The following PLEKHA6 variants were observed in gnomAD, a reference collection of about 807,000 sequenced individuals.
PLEKHA6 encodes the protein pleckstrin homology domain containing A6.
Under a neutral mutation model 116.7 loss-of-function variants are expected in PLEKHA6, and 60 were observed. The observed-to-expected ratio is 0.51, with a 90% CI of 0.42 to 0.64. The LOEUF is 0.64. PLEKHA6 is among the 30% of genes least tolerant of loss of function. The pLI is 0.00. For missense variants in PLEKHA6, 1,338 were observed against 1,422.7 expected, an observed-to-expected ratio of 0.94 and a Z score of 0.96; for synonymous variants, 489 against 556.1, an observed-to-expected ratio of 0.88 and a Z score of 1.70.
chr1:204,306,884 A>G lies in PLEKHA6; in HGVS notation c.-94-32075T>C, dbSNP rs150809327. 8.8e-3 allele frequency among the ~76,000 whole-genome samples: 1,342 copies of G among 152,256 alleles called. 19 individuals carry two copies. Among genetic ancestry groups the G allele is most frequent in the African/African-American group, 0.03 (1,227 of 41,528 alleles). On this transcript the variant is annotated intron_variant, in intron 1 of 22. Coordinates refer to ENST00000272203, the MANE Select transcript of PLEKHA6 (RefSeq NM_014935.5). ...TAAGCACCTACAAAATCCAGGGCTT[A>G]CCCTAGGGGCATCAGTCCTCTGGAT... is the stretch of plus-strand genomic sequence containing the variant.
At chr1:204,351,746 A>G (rs1055350083) in intron 1 of PLEKHA6, among the ~76,000 whole-genome samples, 1 of 152,180 alleles carries the variant, frequency 6.6e-6, no homozygotes, top group Non-Finnish European at 1.5e-5. Context: ...CAGCAGAGAC[A>G]GGGTGAGGCT....
At chr1:204,225,898 G>T (rs1008438203) in intron 21 of PLEKHA6, among the ~76,000 whole-genome samples, 2 of 152,124 alleles carry the variant, frequency 1.3e-5, no homozygotes, top group Admixed American at 6.5e-5. Context: ...CGCGCCACAC[G>T]TACAAACTCA....
chr1:204,248,847 G>A lies in PLEKHA6; in HGVS notation c.1798C>T (p.Arg600Cys), dbSNP rs779750332. Reference protein sequence around the residue: ...DSLQNQLINIRVELSQATTAL... With the variant: ...DSLQNQLINICVELSQATTAL... ...GTGGTCGCCTGAGACAGCTCCACGCGGATGTTGATGAGCTGGTTCTGCAGT... is the reference window on the plus strand; with the variant it reads ...GTGGTCGCCTGAGACAGCTCCACGCAGATGTTGATGAGCTGGTTCTGCAGT... Residue 600 changes from arginine (R) to cysteine (C), a missense_variant, in exon 12 of 23, where the codon CGC becomes TGC. Transcript: ENST00000272203. The A allele has an allele frequency of 1.2e-5, 19 of 1,613,896 alleles. No homozygotes were observed. The East Asian group carries it at 1.3e-4, about 11-fold the overall frequency.
intron 1 of PLEKHA6, among the ~76,000 whole-genome samples, chr1:204,288,297 G>T (rs968587790): frequency 6.6e-6 from 1 of 152,184 alleles, no homozygotes; most frequent in African/African-American, 2.4e-5. Context: ...CTGATGGACA[G>T]CCCTGTCCCT....
intron 18 of PLEKHA6, among the ~76,000 whole-genome samples, chr1:204,230,167 T>C (rs1180200209): frequency 1.3e-5 from 2 of 152,280 alleles, no homozygotes; most frequent in Non-Finnish European, 2.9e-5. Flanking sequence ...GTATAATTCA[T>C]TTCAACAAAC....
At chr1:204,311,459 C>A (rs1388867535) in intron 1 of PLEKHA6, 3 of 235,864 alleles carry the variant, frequency 1.3e-5, no homozygotes, top group Non-Finnish European at 2.1e-5. Flanking sequence ...CCATTGTACT[C>A]CAACCTGGGC....
intron 1 of PLEKHA6, among the ~76,000 whole-genome samples, chr1:204,332,183 C>A (rs972175730): frequency 5.9e-5 from 9 of 152,278 alleles, no homozygotes; most frequent in South Asian, 4.1e-4. Context: ...AGGGTTAACC[C>A]AGAATTCAGC....
At chr1:204,354,164 G>A (rs1194522122) in intron 1 of PLEKHA6, among the ~76,000 whole-genome samples, 1 of 152,196 alleles carries the variant, frequency 6.6e-6, no homozygotes, top group African/African-American at 2.4e-5. Flanking sequence ...CAGAGCTAAG[G>A]AGGGACCTCA....
In PLEKHA6 at chr1:204,261,888, C is replaced by T. The variant is rs1055244286; in HGVS notation, c.382-440G>A. 4 of 227,128 alleles carry T rather than the reference C, an allele frequency of 1.8e-5. No individual in the cohort carries two copies. The highest frequency in any genetic ancestry group is 6.8e-5 in the African/African-American group (3 of 44,258). 14.1% of individuals were successfully genotyped at this position (227,128 alleles called of 1,614,324 possible). On this transcript the variant is annotated intron_variant, in intron 6 of 22. Transcript: ENST00000272203. The surrounding 1 kb of genome is among the most constrained non-coding windows in gnomAD (Gnocchi z 4.0). ...TGAGAAGCTAGCACTGTCTCTTCCACGTGGAGAGACAGCCAAGCCCCTCTC... is the reference window on the plus strand; with the variant it reads ...TGAGAAGCTAGCACTGTCTCTTCCATGTGGAGAGACAGCCAAGCCCCTCTC...
At chr1:204,278,921 C>T (rs1358518737) in intron 1 of PLEKHA6, among the ~76,000 whole-genome samples, 1 of 152,180 alleles carries the variant, frequency 6.6e-6, no homozygotes, top group Non-Finnish European at 1.5e-5. Context: ...TGGAGTTTGA[C>T]ATTCTATCAC....
rs367949377 is a variant in PLEKHA6 at position 204,257,418 on chromosome 1, G to A, written c.1459C>T (p.Arg487Cys). The change falls in exon 9 of 23, where the codon CGC becomes TGC. Residue 487 changes from arginine to cysteine, a missense_variant. By Grantham distance (180) the Arg-to-Cys change is radical. Coordinates refer to ENST00000272203, the MANE Select transcript of PLEKHA6 (RefSeq NM_014935.5). This position sits in a 1 kb window ranked among gnomAD's most constrained non-coding sequence, Gnocchi z 6.5. Reference sequence around the variant, plus strand: ...GGGTCAGCATAGATGTCCTCACTGCGAGGTGGCAGCCGCTCAAAACGGGCA... The same window carrying A: ...GGGTCAGCATAGATGTCCTCACTGCAAGGTGGCAGCCGCTCAAAACGGGCA... ...PSARFERLPPRSEDIYADPAA... is the reference protein window; with the variant it reads ...PSARFERLPPCSEDIYADPAA... The A allele has an allele frequency of 1.7e-4, 271 of 1,565,048 alleles. No individual in the cohort carries two copies. The highest frequency in any genetic ancestry group is 2.2e-4 in the Non-Finnish European group (254 of 1,154,194).
At chr1:204,276,436 TGTCTGCCCC>T (rs1668012830) in intron 1 of PLEKHA6, among the ~76,000 whole-genome samples, 1 of 152,170 alleles carries the variant, frequency 6.6e-6, no homozygotes, top group Non-Finnish European at 1.5e-5. Flanking sequence ...CCGTTACTCT[TGTCTGCCCC>T]TAAATCTGTC....
chr1:204,355,936 C>T (rs1467699038), intron 1 of PLEKHA6, among the ~76,000 whole-genome samples: 3 of 151,564 alleles, frequency 2.0e-5, no homozygotes, highest in South Asian at 2.1e-4. Context: ...AAATGAAAAC[C>T]ATGAAAAAGT....
In PLEKHA6 at chr1:204,222,692, G is replaced by C. The variant is rs1571704991; in HGVS notation, c.*96C>G. 3 of 152,898 alleles carry C rather than the reference G, an allele frequency of 2.0e-5. No individual in the cohort carries two copies. The highest frequency in any genetic ancestry group is 2.0e-4 in the Admixed American group (3 of 15,306). The allele number at this position is 152,898 out of a possible 1,614,324, so 9.5% of individuals were successfully genotyped here. Reference sequence around the variant, plus strand: ...GAGTGCAGGGGCAGGGGGCCAGGGTGGGGAGCCAGGACCTCAGGTGGGCAG... The same window carrying C: ...GAGTGCAGGGGCAGGGGGCCAGGGTCGGGAGCCAGGACCTCAGGTGGGCAG... On this transcript the variant is annotated 3_prime_UTR_variant, in exon 23 of 23. Transcript: ENST00000272203.
intron 1 of PLEKHA6, among the ~76,000 whole-genome samples, chr1:204,291,717 T>C (rs1669780499): frequency 6.6e-6 from 1 of 152,194 alleles, no homozygotes; most frequent in African/African-American, 2.4e-5. Context: ...TATAAAATTC[T>C]TAAAAATGCA....
intron 1 of PLEKHA6, among the ~76,000 whole-genome samples, chr1:204,298,327 G>A (rs1670485559): frequency 6.6e-6 from 1 of 152,242 alleles, no homozygotes; most frequent in Non-Finnish European, 1.5e-5. Flanking sequence ...GAAACAATGA[G>A]CTTTCCAACA....
At chr1:204,321,578 C>A (rs1672064098) in intron 1 of PLEKHA6, among the ~76,000 whole-genome samples, 1 of 151,772 alleles carries the variant, frequency 6.6e-6, no homozygotes. Flanking sequence ...CCCTACCCTT[C>A]CCATACTTTA....
At chr1:204,334,967 T>G (rs1672589571) in intron 1 of PLEKHA6, among the ~76,000 whole-genome samples, 1 of 152,124 alleles carries the variant, frequency 6.6e-6, no homozygotes, top group Non-Finnish European at 1.5e-5. Context: ...TATTATATTA[T>G]TATTAACTAT....
chr1:204,368,980 G>A (rs1354643785), intron 2 of PLEKHA6: 1 of 152,196 alleles, frequency 6.6e-6, no homozygotes, highest in African/African-American at 2.4e-5. Context: ...GCAGTGCCTG[G>A]GTTCTGCAGA....
Sources: gnomAD v4.1 joint callset for allele counts (sites outside exome capture counted in the v4.1 genomes callset) on GRCh38, gnomAD v4.1.1 for gene constraint, Gnocchi (gnomAD v3.1) non-coding constraint, MANE v1.5 for transcripts, NCBI Gene and HGNC (gene_info 2026-07-23, HGNC 2026-07-21) for gene names.